MUCL1: variants seen among roughly 807,000 people sequenced by gnomAD.
MUCL1 encodes mucin like 1.
Under a neutral mutation model 9.2 loss-of-function variants are expected in MUCL1, and 11 were observed. That is an observed-to-expected ratio of 1.19 (90% confidence interval 0.75 to 1.97). MUCL1 has a LOEUF of 1.97. MUCL1 is among the 30% of genes most tolerant of loss of function. The pLI is 0.00. For missense variants in MUCL1, 144 were observed against 110.9 expected (o/e 1.30, Z -1.34); for synonymous variants, 48 against 40.5 (o/e 1.19, Z -0.71).
upstream of MUCL1, among the ~76,000 whole-genome samples, chr12:54,836,549 T>C (rs1377242051): frequency 6.6e-6 from 1 of 152,230 alleles, no homozygotes; most frequent in Non-Finnish European, 1.5e-5. Context: ...TTTTGTTTCA[T>C]TGATCTTTTT....
chr12:54,854,024 A>G (rs1232160158), upstream of MUCL1, among the ~76,000 whole-genome samples: 1 of 152,170 alleles, frequency 6.6e-6, no homozygotes, highest in African/African-American at 2.4e-5. Flanking sequence ...AGATGACCTA[A>G]TTACATGTTC....
intron 1 of MUCL1, among the ~76,000 whole-genome samples, chr12:54,841,299 A>G (rs902766549): frequency 2.0e-5 from 3 of 152,214 alleles, no homozygotes; most frequent in Non-Finnish European, 4.4e-5. Flanking sequence ...CGATGCTGCA[A>G]TCAACACATG....
upstream of MUCL1, among the ~76,000 whole-genome samples, chr12:54,836,074 G>T (rs373302495): frequency 2.0e-5 from 3 of 152,154 alleles, no homozygotes; most frequent in South Asian, 4.1e-4. Flanking sequence ...TTCATGCTTT[G>T]GTATCAGGGC....
upstream of MUCL1, among the ~76,000 whole-genome samples, chr12:54,853,832 T>C (rs1216993485): frequency 6.6e-6 from 1 of 152,234 alleles, no homozygotes. Flanking sequence ...CATACAATAA[T>C]GCTCAATGAA....
At chr12:54,837,257 A>C (rs1959194275), upstream of MUCL1, among the ~76,000 whole-genome samples, 1 of 152,074 alleles carries the variant, frequency 6.6e-6, no homozygotes, top group Admixed American at 6.5e-5. Flanking sequence ...TGAATCTAGG[A>C]GCTCCAGAGT....
At chr12:54,855,525 G>A in intron 2 of MUCL1, 1 of 225,546 alleles carries the variant, frequency 4.4e-6, no homozygotes, top group East Asian at 9.9e-5. Context: ...GAGACCAGTG[G>A]GTCTCAGAAT....
chr12:54,854,763 A>G, intron 1 of MUCL1, 123 bp downstream of exon 1: 1 of 788,360 alleles, frequency 1.3e-6, no homozygotes, highest in Middle Eastern at 3.2e-4. Context: ...TTGTTCTATC[A>G]CCATTTTGAC....
upstream of MUCL1, among the ~76,000 whole-genome samples, chr12:54,851,581 C>T (rs1170425861): frequency 1.3e-5 from 2 of 152,154 alleles, no homozygotes; most frequent in Non-Finnish European, 2.9e-5. Context: ...TGGAAGCATT[C>T]CCTTTGAAAA....
chr12:54,840,632 G>A (rs1304704434), intron 1 of MUCL1, among the ~76,000 whole-genome samples: 3 of 152,188 alleles, frequency 2.0e-5, no homozygotes, highest in African/African-American at 7.2e-5. Flanking sequence ...GAGGGGAAAA[G>A]CCAGGTTATG....
intron 1 of MUCL1, among the ~76,000 whole-genome samples, chr12:54,849,028 G>T (rs1211355784): frequency 6.6e-6 from 1 of 152,078 alleles, no homozygotes; most frequent in Non-Finnish European, 1.5e-5. Context: ...TAATGCTAGA[G>T]TAAATTATGA....
chr12:54,837,379 TG>T (rs1959194540), upstream of MUCL1, among the ~76,000 whole-genome samples: 1 of 152,198 alleles, frequency 6.6e-6, no homozygotes, highest in Non-Finnish European at 1.5e-5. Flanking sequence ...CTTTAAAACC[TG>T]TTTTATCTGA....
chr12:54,855,571 A>G (rs540975417), intron 2 of MUCL1: 2 of 199,818 alleles, frequency 1.0e-5, no homozygotes, highest in African/African-American at 4.6e-5. Flanking sequence ...TTTGGATCAC[A>G]AGTGAGGGTG....
chr12:54,837,900 G>A (rs1285787860), upstream of MUCL1, among the ~76,000 whole-genome samples: 9 of 152,232 alleles, frequency 5.9e-5, no homozygotes, highest in Non-Finnish European at 1.2e-4. Flanking sequence ...GGAGCATTTA[G>A]ACCATTTACA....
upstream of MUCL1, among the ~76,000 whole-genome samples, chr12:54,836,139 A>C (rs1264873905): frequency 6.6e-6 from 1 of 152,080 alleles, no homozygotes; most frequent in Non-Finnish European, 1.5e-5. Flanking sequence ...AACCTTTTGG[A>C]ATAGTTTCAG....
Position 54,858,191 on chromosome 12 carries a change from A to T in MUCL1, c.224-2A>T. On this transcript the variant is annotated splice_acceptor_variant, in intron 3 of 3. Transcript: ENST00000308796. LOFTEE classifies it high-confidence loss of function. ...CCTTGACAATATTTTTTTCTCTTGC[A>T]GTTTTACCCAAATGGGTTGGGGATC... The T allele has an allele frequency of 6.2e-7, 1 of 1,613,206 alleles. No individual in the cohort carries two copies. The highest frequency in any genetic ancestry group is 8.5e-7 in the Non-Finnish European group (1 of 1,179,502).
At chr12:54,850,561 G>A (rs1359248044), upstream of MUCL1, among the ~76,000 whole-genome samples, 2 of 152,012 alleles carry the variant, frequency 1.3e-5, no homozygotes, top group Non-Finnish European at 2.9e-5. Flanking sequence ...GTCTATCATT[G>A]TTGTACATTT....
chr12:54,835,170 T>C (rs1211182035), upstream of MUCL1, among the ~76,000 whole-genome samples: 2 of 152,186 alleles, frequency 1.3e-5, no homozygotes, highest in Non-Finnish European at 2.9e-5. Flanking sequence ...TGGGCACTTA[T>C]ATTGGCTCCA....
At chr12:54,850,238 C>A (rs1008132993), upstream of MUCL1, among the ~76,000 whole-genome samples, 1 of 152,000 alleles carries the variant, frequency 6.6e-6, no homozygotes, top group Admixed American at 6.6e-5. Flanking sequence ...TATACATGTG[C>A]CATGTTGGGG....
At chr12:54,845,934 A>G (rs1456243521) in intron 1 of MUCL1, among the ~76,000 whole-genome samples, 1 of 152,142 alleles carries the variant, frequency 6.6e-6, no homozygotes, top group Non-Finnish European at 1.5e-5. Flanking sequence ...CCAGTACACA[A>G]TCAGGTTCAA....
Sources: gnomAD v4.1 joint callset for allele counts (sites outside exome capture counted in the v4.1 genomes callset) on GRCh38, gnomAD v4.1.1 for gene constraint, MANE v1.5 for transcripts, NCBI Gene and HGNC (gene_info 2026-07-23, HGNC 2026-07-21) for gene names.